The following SHTN1 variants were observed in gnomAD, a reference collection of about 807,000 sequenced individuals.
The protein encoded by SHTN1 is shootin 1.
A neutral mutation model predicts 83.1 loss-of-function variants in SHTN1; 42 were observed. That is an observed-to-expected ratio of 0.51 (90% CI 0.39 to 0.65). The LOEUF is 0.65. SHTN1 is among the 30% of genes least tolerant of loss of function. The probability of loss-of-function intolerance (pLI) is 0.00; values close to 1 mark genes in which losing one functional copy is unlikely to be tolerated. For synonymous variants in SHTN1, 224 were observed against 247.7 expected, an observed-to-expected ratio of 0.90 and a Z score of 0.90; for missense variants, 622 against 737.8, an observed-to-expected ratio of 0.84 and a Z score of 1.82.
upstream of SHTN1, among the ~76,000 whole-genome samples, chr10:117,010,467 G>A (rs977975007): frequency 9.9e-5 from 15 of 151,938 alleles, no homozygotes; most frequent in African/African-American, 3.6e-4. Context: ...ATAAGTTCAG[G>A]CCCAGATGTC....
chr10:116,965,238 C>T (rs753238553), intron 3 of SHTN1, among the ~76,000 whole-genome samples: 1 of 151,916 alleles, frequency 6.6e-6, no homozygotes. Context: ...AGGCCTAGGC[C>T]GGGTGTGGTG....
intron 2 of SHTN1, chr10:116,974,083 T>C (rs980302820): frequency 2.8e-6 from 3 of 1,071,730 alleles, no homozygotes; most frequent in Non-Finnish European, 3.4e-6. Flanking sequence ...CAAAGTTCTT[T>C]CCCTCCAATT....
At chr10:117,012,511 T>C (rs1852121879) in intron 2 of SHTN1, among the ~76,000 whole-genome samples, 1 of 152,156 alleles carries the variant, frequency 6.6e-6, no homozygotes, top group South Asian at 2.1e-4. Flanking sequence ...AAAAAAAGTC[T>C]TTTCAAAACT....
intron 9 of SHTN1, among the ~76,000 whole-genome samples, chr10:116,939,835 T>C (rs1489977548): frequency 6.6e-6 from 1 of 152,222 alleles, no homozygotes; most frequent in Non-Finnish European, 1.5e-5. Flanking sequence ...AAGTGGTCTC[T>C]TTAATTTGGA....
At chr10:116,930,062 A>C in intron 9 of SHTN1, 60 bp from the exon 10 acceptor site, 1 of 1,136,810 alleles carries the variant, frequency 8.8e-7, no homozygotes. Context: ...TTGTCAAAGA[A>C]AAGAAAGGGA....
chr10:116,941,250 A>C (rs1283591220), intron 8 of SHTN1, among the ~76,000 whole-genome samples: 1 of 152,174 alleles, frequency 6.6e-6, no homozygotes, highest in East Asian at 1.9e-4. Flanking sequence ...TTCCTCTACT[A>C]TTTGCTAGAT....
At chr10:117,098,225 A>T (rs1214065325) in intron 1 of SHTN1, among the ~76,000 whole-genome samples, 2 of 3,762 alleles carry the variant, frequency 5.3e-4, no homozygotes, top group African/African-American at 6.4e-4. Flanking sequence ...CGTCTCTACT[A>T]AAAAAAAAAA....
At chr10:117,028,800 TG>T (rs1852365626) in intron 2 of SHTN1, among the ~76,000 whole-genome samples, 1 of 152,130 alleles carries the variant, frequency 6.6e-6, no homozygotes, top group Non-Finnish European at 1.5e-5. Flanking sequence ...GGAAAAAGCC[TG>T]GGTATCTAAG....
At chr10:116,934,868 G>A (rs545045844) in intron 9 of SHTN1, among the ~76,000 whole-genome samples, 11 of 152,074 alleles carry the variant, frequency 7.2e-5, no homozygotes, top group East Asian at 1.9e-4. Flanking sequence ...GTAGTTCTCC[G>A]TGAAGAGGTC....
At chr10:116,986,423 T>A (rs1186156986) in intron 1 of SHTN1, among the ~76,000 whole-genome samples, 1 of 152,078 alleles carries the variant, frequency 6.6e-6, no homozygotes, top group African/African-American at 2.4e-5. Context: ...TAAACTGTAA[T>A]TAAAGAATAG....
At chr10:116,940,409 A>ATGTG in intron 9 of SHTN1, 57 bp downstream of exon 9, 2 of 1,499,108 alleles carry the variant, frequency 1.3e-6, no homozygotes, top group Non-Finnish European at 1.8e-6. Context: ...TCTTAAATAT[A>ATGTG]TGTGTGTATG....
At chr10:117,073,515 A>G (rs1853113846) in intron 1 of SHTN1, among the ~76,000 whole-genome samples, 1 of 152,210 alleles carries the variant, frequency 6.6e-6, no homozygotes, top group Non-Finnish European at 1.5e-5. Flanking sequence ...TGCATTTCCA[A>G]TATGTCACAG....
intron 16 of SHTN1, among the ~76,000 whole-genome samples, chr10:116,887,155 GA>G (rs1395612131): frequency 6.6e-6 from 1 of 152,206 alleles, no homozygotes; most frequent in Non-Finnish European, 1.5e-5. Context: ...AGCCAGAGTA[GA>G]AGCTAAAATG....
chr10:116,901,743 AGT>A lies in SHTN1; in HGVS notation c.1673+20_1673+21del. 2 of 1,562,354 alleles carry A rather than the reference AGT, an allele frequency of 1.3e-6. No individual in the cohort carries two copies. Among genetic ancestry groups the A allele is most frequent in the Non-Finnish European group, 1.7e-6 (2 of 1,160,208 alleles). On this transcript the variant is annotated intron_variant, in intron 16 of 16. Coordinates refer to ENST00000355371, the MANE Select transcript of SHTN1 (RefSeq NM_001127211.3). ...TTACAGATTCTTCTATACACCACTT[AGT>A]AAAGAGCATCGTTACTTACTGAAAC...
chr10:117,056,805 C>T (rs1268684085), intron 1 of SHTN1, among the ~76,000 whole-genome samples: 1 of 152,026 alleles, frequency 6.6e-6, no homozygotes, highest in African/African-American at 2.4e-5. Context: ...AGAGAGATTC[C>T]TTCTGCCTCA....
intron 1 of SHTN1, among the ~76,000 whole-genome samples, chr10:116,987,305 C>T (rs2133500652): frequency 6.6e-6 from 1 of 152,308 alleles, no homozygotes; most frequent in African/African-American, 2.4e-5. Flanking sequence ...CTACAGAACA[C>T]TTCCCTTCCT....
chr10:117,024,528 A>G (rs1037061617), intron 2 of SHTN1, among the ~76,000 whole-genome samples: 1 of 151,162 alleles, frequency 6.6e-6, no homozygotes, highest in Non-Finnish European at 1.5e-5. Context: ...CTAATTTTTT[A>G]TATTTTTAGT....
intron 2 of SHTN1, among the ~76,000 whole-genome samples, chr10:117,012,824 TAATTCACATTTTAAAA>T (rs561943163): frequency 6.8e-4 from 103 of 152,302 alleles, no homozygotes; most frequent in Middle Eastern, 3.4e-3. Flanking sequence ...AATTACATAT[TAATTCACATTTTAAAA>T]ATCACATATT....
chr10:116,993,610 T>C (rs1851522504), intron 1 of SHTN1, among the ~76,000 whole-genome samples: 1 of 152,168 alleles, frequency 6.6e-6, no homozygotes, highest in African/African-American at 2.4e-5. Flanking sequence ...CTGCCTAACA[T>C]ACACGTGCTG....
Sources: allele counts gnomAD v4.1 joint callset (sites outside exome capture counted in the v4.1 genomes callset), GRCh38; gene constraint gnomAD v4.1.1; transcripts MANE v1.5; gene names NCBI Gene and HGNC (gene_info 2026-07-23, HGNC 2026-07-21).